AK9: variants seen among roughly 807,000 people sequenced by gnomAD.
AK9 encodes adenylate kinase domain containing 1.
A neutral mutation model predicts 239.6 loss-of-function variants in AK9; 191 were observed. The observed-to-expected ratio is 0.80, with a 90% CI of 0.71 to 0.90. The LOEUF is 0.90. Among genes scored for constraint, AK9 ranks in the 40% least tolerant of loss-of-function variants. The probability of loss-of-function intolerance (pLI) is 0.00; values close to 1 mark genes in which losing one functional copy is unlikely to be tolerated. For missense variants in AK9, 1,995 were observed against 2,214.7 expected (o/e 0.90, Z 1.99); for synonymous variants, 689 against 721.0 (o/e 0.96, Z 0.71).
At chr6:109,579,942 G>A (rs1466501554) in intron 19 of AK9, among the ~76,000 whole-genome samples, 1 of 151,958 alleles carries the variant, frequency 6.6e-6, no homozygotes, top group Non-Finnish European at 1.5e-5. Flanking sequence ...CTGATTTAAT[G>A]GTAAATGTTC....
At chr6:109,557,388 T>G (rs1258548259) in intron 24 of AK9, among the ~76,000 whole-genome samples, 1 of 152,090 alleles carries the variant, frequency 6.6e-6, no homozygotes, top group Admixed American at 6.5e-5. Flanking sequence ...ACTTTTGACC[T>G]TGAGGAACAC....
At chr6:109,548,420 T>C (rs1783884758) in intron 25 of AK9, among the ~76,000 whole-genome samples, 2 of 152,270 alleles carry the variant, frequency 1.3e-5, no homozygotes, top group East Asian at 3.9e-4. Context: ...AGAAGAAGAA[T>C]GGTGAAATCA....
At chr6:109,514,112 A>T in intron 32 of AK9, 112 bp downstream of exon 32, 2 of 1,017,724 alleles carry the variant, frequency 2.0e-6, no homozygotes, top group Non-Finnish European at 1.4e-6. Context: ...CCCTACGATT[A>T]AATGTCTTTT....
chr6:109,551,526 A>G (rs1784359705), intron 24 of AK9, among the ~76,000 whole-genome samples: 1 of 151,922 alleles, frequency 6.6e-6, no homozygotes, highest in Admixed American at 6.6e-5. Context: ...TCAAAAAAAA[A>G]AAAAAAATGC....
At chr6:109,560,747 T>TATTAAATTTGGTAATTG (rs1312727888) in intron 24 of AK9, among the ~76,000 whole-genome samples, 5 of 152,158 alleles carry the variant, frequency 3.3e-5, no homozygotes, top group Non-Finnish European at 7.4e-5. Flanking sequence ...GCTTTTAATG[T>TATTAAATTTGGTAATTG]CTTTGGTTTT....
Position 109,497,927 on chromosome 6 carries a change from T to C in AK9, c.5085A>G (p.Leu1695=), listed in dbSNP as rs1281734558. The change falls in exon 37 of 41, where the codon TTA becomes TTG. Residue 1695 remains leucine (L), a synonymous_variant. Coordinates refer to ENST00000424296, the MANE Select transcript of AK9 (RefSeq NM_001145128.3). ...CAGCAGATGGGAGTGGATGAGGTGC[T>C]AAGGGAGGCACGTACAATTCTGGGT... is the stretch of plus-strand genomic sequence containing the variant. ...LENPELYVPP[L]APHPLPSADM... is the part of the protein sequence containing the mutation. 6.2e-7 allele frequency: 1 copy of C among 1,613,998 alleles called. No homozygotes were observed.
chr6:109,624,854 T>C (rs1795323714), intron 12 of AK9, among the ~76,000 whole-genome samples: 1 of 152,162 alleles, frequency 6.6e-6, no homozygotes, highest in Non-Finnish European at 1.5e-5. Flanking sequence ...TAGACTGACT[T>C]TATAGTTTCT....
intron 35 of AK9, among the ~76,000 whole-genome samples, chr6:109,504,209 A>T (rs936422093): frequency 4.6e-5 from 7 of 152,012 alleles, no homozygotes; most frequent in African/African-American, 1.7e-4. Flanking sequence ...AAAAACATTT[A>T]AAAAATTAGC....
chr6:109,613,255 C>T (rs1400037607), intron 15 of AK9, among the ~76,000 whole-genome samples: 2 of 151,614 alleles, frequency 1.3e-5, no homozygotes, highest in Non-Finnish European at 2.9e-5. Context: ...AGACAAACCA[C>T]TCAATTTGTA....
intron 2 of AK9, among the ~76,000 whole-genome samples, chr6:109,675,022 T>C (rs1227940462): frequency 1.3e-5 from 2 of 152,216 alleles, no homozygotes; most frequent in East Asian, 3.8e-4. Flanking sequence ...TTCTGATTTG[T>C]GGAAAGTCAA....
intron 17 of AK9, among the ~76,000 whole-genome samples, chr6:109,602,621 G>A (rs2128230575): frequency 6.6e-6 from 1 of 152,262 alleles, no homozygotes; most frequent in South Asian, 2.1e-4. Context: ...ATGTTGGCCT[G>A]CCTTGCTAGG....
intron 27 of AK9, among the ~76,000 whole-genome samples, chr6:109,539,571 G>A (rs1223024645): frequency 6.6e-6 from 1 of 152,126 alleles, no homozygotes; most frequent in Non-Finnish European, 1.5e-5. Flanking sequence ...GCTCGGAGAA[G>A]TTTGATCATC....
intron 8 of AK9, among the ~76,000 whole-genome samples, chr6:109,649,990 T>G (rs1798680449): frequency 6.6e-6 from 1 of 152,170 alleles, no homozygotes; most frequent in South Asian, 2.1e-4. Context: ...GGGGAAAGGA[T>G]TCCCTATTTA....
intron 25 of AK9, among the ~76,000 whole-genome samples, chr6:109,546,561 C>G (rs570649347): frequency 6.6e-6 from 1 of 152,034 alleles, no homozygotes; most frequent in African/African-American, 2.4e-5. Context: ...GGATCATCCA[C>G]GGGATGCTGA....
chr6:109,615,620 G>GT (rs1219807538), intron 13 of AK9, among the ~76,000 whole-genome samples: 1 of 152,002 alleles, frequency 6.6e-6, no homozygotes, highest in African/African-American at 2.4e-5. Flanking sequence ...TCTTTTTGTT[G>GT]TTTTTTGTAA....
intron 10 of AK9, among the ~76,000 whole-genome samples, chr6:109,640,774 C>A (rs1489222050): frequency 6.6e-6 from 1 of 152,046 alleles, no homozygotes; most frequent in African/African-American, 2.4e-5. Context: ...AGGTCAAATT[C>A]TCCAGTTAAA....
chr6:109,660,976 T>C (rs1158345856), intron 6 of AK9: 1 of 505,636 alleles, frequency 2.0e-6, no homozygotes, highest in East Asian at 5.5e-5. Flanking sequence ...AGCCATAGAT[T>C]TTTGCATCAG....
At chr6:109,589,178 T>C (rs1050110341) in intron 17 of AK9, among the ~76,000 whole-genome samples, 1 of 152,204 alleles carries the variant, frequency 6.6e-6, no homozygotes, top group Non-Finnish European at 1.5e-5. Context: ...ATTATACTCA[T>C]TTCAACAATA....
At chr6:109,661,052 A>T (rs1489958470) in intron 6 of AK9, 18 of 391,306 alleles carry the variant, frequency 4.6e-5, no homozygotes. Context: ...TTAGGGATTT[A>T]TGGATCTTGG....
Sources: gnomAD v4.1 joint callset for allele counts (sites outside exome capture counted in the v4.1 genomes callset) on GRCh38, gnomAD v4.1.1 for gene constraint, MANE v1.5 for transcripts, NCBI Gene and HGNC (gene_info 2026-07-23, HGNC 2026-07-21) for gene names.